Variants in NOVA1 observed in about 807,000 individuals in gnomAD.
NOVA1 encodes NOVA alternative splicing regulator 1.
NOVA1 carries 7 observed loss-of-function variants against 38.0 expected under a neutral mutation model. That is an observed-to-expected ratio of 0.18 (90% CI 0.10 to 0.35). The LOEUF (loss-of-function observed/expected upper bound fraction) is 0.35. Among genes scored for constraint, NOVA1 ranks in the 10% least tolerant of loss-of-function variants. The pLI, the probability that NOVA1 is intolerant of heterozygous loss-of-function variation, is 1.00. For synonymous variants in NOVA1, 270 were observed against 232.5 expected (o/e 1.16, Z -1.47); for missense variants, 460 against 616.0 (o/e 0.75, Z 2.68).
Position 26,597,620 on chromosome 14 carries a change from T to A in NOVA1, c.-184A>T, listed in dbSNP as rs1323342886. On this transcript the variant is annotated 5_prime_UTR_variant, in exon 1 of 5. Transcript: ENST00000539517. ...AGCAATGTTGCTGGTTTGTTCTCAC[T>A]GGGGAGGGGGCAGGGCTGAGGAGCA... is the stretch of plus-strand genomic sequence containing the variant. The A allele has an allele frequency of 1.4e-5, 17 of 1,195,432 alleles. No individual in the cohort carries two copies. Among genetic ancestry groups the A allele is most frequent in the Non-Finnish European group, 1.8e-5 (17 of 970,434 alleles). 74.1% of individuals were successfully genotyped at this position (1,195,432 alleles called of 1,614,324 possible).
chr14:26,449,226 G>T (rs1362505224), intron 4 of NOVA1, among the ~76,000 whole-genome samples: 1 of 151,996 alleles, frequency 6.6e-6, no homozygotes, highest in African/African-American at 2.4e-5. Context: ...TTTTGCAACA[G>T]AATTTATAAG....
At chr14:26,457,516 G>C (rs1883281260) in intron 4 of NOVA1, among the ~76,000 whole-genome samples, 1 of 152,010 alleles carries the variant, frequency 6.6e-6, no homozygotes, top group Non-Finnish European at 1.5e-5. Context: ...CCTATCACAA[G>C]GCATTTCTCA....
chr14:26,566,632 T>C (rs1232692684), intron 2 of NOVA1, among the ~76,000 whole-genome samples: 2 of 152,090 alleles, frequency 1.3e-5, no homozygotes, highest in Admixed American at 1.3e-4. Context: ...ATAAATCCCA[T>C]AATATGGCCA....
intron 2 of NOVA1, among the ~76,000 whole-genome samples, chr14:26,484,418 A>G (rs1885709951): frequency 9.0e-6 from 1 of 111,026 alleles, no homozygotes; most frequent in Non-Finnish European, 1.7e-5. Context: ...CCTGGGCGAG[A>G]CTCCGTCTCG....
chr14:26,552,326 T>C (rs1250410266), intron 2 of NOVA1, among the ~76,000 whole-genome samples: 1 of 152,088 alleles, frequency 6.6e-6, no homozygotes, highest in Non-Finnish European at 1.5e-5. Flanking sequence ...AATTTTCGAA[T>C]GTTTTACCCC....
At chr14:26,532,238 T>A (rs892643715) in intron 2 of NOVA1, among the ~76,000 whole-genome samples, 2 of 152,210 alleles carry the variant, frequency 1.3e-5, no homozygotes, top group African/African-American at 4.8e-5. Flanking sequence ...TGTACTCAAA[T>A]ATTCATAGCA....
Position 26,472,310 on chromosome 14 carries a change from G to GA in NOVA1, c.519+9dup, listed in dbSNP as rs773226409. On this transcript the variant is annotated intron_variant, in intron 4 of 4. Coordinates refer to ENST00000539517, the MANE Select transcript of NOVA1 (RefSeq NM_002515.3). Reference sequence around the variant, plus strand: ...AAAAGTATGGTGTAGATGACAGGATGATACTGTACCTGATTAGCTCTGGAG... The same window carrying GA: ...AAAAGTATGGTGTAGATGACAGGATGAATACTGTACCTGATTAGCTCTGGAG... 7 of 1,545,144 alleles carry GA rather than the reference G, an allele frequency of 4.5e-6. 1 individual carries two copies. In the South Asian group the frequency reaches 7.9e-5, roughly 17 times the overall value.
At chr14:26,470,169 G>C (rs1422725917) in intron 4 of NOVA1, 10 of 856,684 alleles carry the variant, frequency 1.2e-5, no homozygotes, top group Non-Finnish European at 1.5e-5. Context: ...CAGTCCATTA[G>C]TTCTTTTCAT....
At chr14:26,478,843 T>A (rs186568934) in intron 3 of NOVA1, among the ~76,000 whole-genome samples, 1 of 152,020 alleles carries the variant, frequency 6.6e-6, no homozygotes, top group East Asian at 1.9e-4. Flanking sequence ...TACCTACTCA[T>A]GATTTAAACA....
At chr14:26,537,620 A>G (rs1390478830) in intron 2 of NOVA1, among the ~76,000 whole-genome samples, 1 of 152,188 alleles carries the variant, frequency 6.6e-6, no homozygotes, top group Admixed American at 6.5e-5. Context: ...CACAATATGT[A>G]TTTATTACCC....
chr14:26,454,812 T>C (rs1883022313), intron 4 of NOVA1, among the ~76,000 whole-genome samples: 2 of 152,188 alleles, frequency 1.3e-5, no homozygotes, highest in Admixed American at 1.3e-4. Context: ...TTTACCATGA[T>C]ATACACTATA....
At chr14:26,467,173 A>G (rs1884208081) in intron 4 of NOVA1, among the ~76,000 whole-genome samples, 1 of 152,170 alleles carries the variant, frequency 6.6e-6, no homozygotes, top group South Asian at 2.1e-4. Context: ...ATAAACTAGC[A>G]AAGGATTCTG....
chr14:26,478,854 T>A (rs1425987288), intron 3 of NOVA1, among the ~76,000 whole-genome samples: 1 of 151,836 alleles, frequency 6.6e-6, no homozygotes, highest in Non-Finnish European at 1.5e-5. Context: ...GATTTAAACA[T>A]AAAGGGATTT....
At chr14:26,510,426 T>C (rs192725348) in intron 2 of NOVA1, among the ~76,000 whole-genome samples, 2,052 of 152,178 alleles carry the variant, frequency 0.013, 21 homozygotes, top group Non-Finnish European at 0.019. Context: ...TAAGTAATAA[T>C]AAACAACATG....
intron 2 of NOVA1, among the ~76,000 whole-genome samples, chr14:26,568,209 C>T (rs1892253378): frequency 2.6e-5 from 4 of 152,164 alleles, no homozygotes. Flanking sequence ...TCTCAAAATT[C>T]CTATCAGGTA....
At chr14:26,471,444 TTTA>T (rs573976113) in intron 4 of NOVA1, among the ~76,000 whole-genome samples, 1 of 151,432 alleles carries the variant, frequency 6.6e-6, no homozygotes, top group South Asian at 2.1e-4. Flanking sequence ...CATAAAGCCT[TTTA>T]TTATTAAAAA....
intron 3 of NOVA1, among the ~76,000 whole-genome samples, chr14:26,478,366 TTA>T (rs1421412428): frequency 6.6e-6 from 1 of 151,852 alleles, no homozygotes; most frequent in Non-Finnish European, 1.5e-5. Context: ...CTACTAAATT[TTA>T]TGTTTTACTT....
In NOVA1 at chr14:26,595,621, C is replaced by G. The variant is rs1894140546; in HGVS notation, c.137-68G>C. The G allele has an allele frequency of 1.0e-5, 15 of 1,429,488 alleles. No individual in the cohort carries two copies. In the South Asian group the frequency reaches 1.2e-4, roughly 11 times the overall value. The allele number at this position is 1,429,488 out of a possible 1,614,324, so 88.6% of individuals were successfully genotyped here. On this transcript the variant is annotated intron_variant, in intron 1 of 4. Transcript: ENST00000539517. ...AAACTTTGTATCCCCTCTCCACCCTCAAGAGAGAAAAACAGCAACTAAAGC... is the reference window on the plus strand; with the variant it reads ...AAACTTTGTATCCCCTCTCCACCCTGAAGAGAGAAAAACAGCAACTAAAGC...
At chr14:26,472,272 G>A in intron 4 of NOVA1, 48 bp downstream of exon 4, 1 of 1,129,866 alleles carries the variant, frequency 8.9e-7, no homozygotes, top group Non-Finnish European at 1.3e-6. Flanking sequence ...CAGTTTGCAG[G>A]CAATCACCCG....
Sources: allele counts gnomAD v4.1 joint callset (sites outside exome capture counted in the v4.1 genomes callset), GRCh38; gene constraint gnomAD v4.1.1; transcripts MANE v1.5; gene names NCBI Gene and HGNC (gene_info 2026-07-23, HGNC 2026-07-21).